Variants in CLASP2 observed in about 807,000 individuals in gnomAD.
CLASP2 encodes cytoplasmic linker associated protein 2, also known as CLIP-associating protein 2.
Under a neutral mutation model 194.4 loss-of-function variants are expected in CLASP2, and 47 were observed. The observed-to-expected ratio is 0.24, with a 90% CI of 0.19 to 0.31. The LOEUF (loss-of-function observed/expected upper bound fraction) is 0.31. Ranked by LOEUF, CLASP2 falls within the 10% of genes least tolerant of loss-of-function variation. CLASP2 has a pLI of 1.00. For missense variants in CLASP2, 1,445 were observed against 1,823.6 expected (o/e 0.79, Z 3.78); for synonymous variants, 619 against 633.5 (o/e 0.98, Z 0.34).
At chr3:33,597,626 C>T (rs1032093428) in intron 18 of CLASP2, among the ~76,000 whole-genome samples, 1 of 151,992 alleles carries the variant, frequency 6.6e-6, no homozygotes, top group Admixed American at 6.6e-5. Flanking sequence ...GCCTTATGTG[C>T]CTAATTGTGG....
At chr3:33,596,585 T>C in intron 19 of CLASP2, 126 bp downstream of exon 19, 1 of 774,088 alleles carries the variant, frequency 1.3e-6, no homozygotes, top group Non-Finnish European at 2.2e-6. Context: ...ATTTTCACAT[T>C]AACATTATCA....
chr3:33,599,925 A>G (rs2154250924), intron 18 of CLASP2, among the ~76,000 whole-genome samples: 1 of 152,308 alleles, frequency 6.6e-6, no homozygotes, highest in Non-Finnish European at 1.5e-5. Context: ...TTACAATGAA[A>G]CATGAAATTC....
chr3:33,598,029 A>C (rs2070941946), intron 18 of CLASP2, among the ~76,000 whole-genome samples: 1 of 151,972 alleles, frequency 6.6e-6, no homozygotes, highest in Non-Finnish European at 1.5e-5. Context: ...CTAGGATTAC[A>C]CGTGTGAGCC....
chr3:33,674,617 A>C (rs2088123170), intron 6 of CLASP2, among the ~76,000 whole-genome samples: 2 of 152,314 alleles, frequency 1.3e-5, no homozygotes, highest in South Asian at 4.1e-4. Context: ...GAGACACAAA[A>C]AACCCTTCAA....
chr3:33,558,526 T>C (rs1414147814), intron 29 of CLASP2: 1 of 152,070 alleles, frequency 6.6e-6, no homozygotes, highest in East Asian at 1.9e-4. Context: ...AAAAAACCTT[T>C]AGCAAAGAAT....
chr3:33,516,537 C>T (rs1160794006), intron 35 of CLASP2, among the ~76,000 whole-genome samples: 3 of 152,058 alleles, frequency 2.0e-5, no homozygotes, highest in Non-Finnish European at 2.9e-5. Context: ...GGTGGTGGCA[C>T]GTGCTTATAA....
intron 21 of CLASP2, chr3:33,588,650 A>C: frequency 1.4e-6 from 1 of 698,532 alleles, no homozygotes; most frequent in Non-Finnish European, 2.6e-6. Flanking sequence ...CATTCTTCAT[A>C]ATGAAAATAG....
At chr3:33,691,548 T>C (rs895829381) in intron 2 of CLASP2, among the ~76,000 whole-genome samples, 2 of 152,178 alleles carry the variant, frequency 1.3e-5, no homozygotes, top group Non-Finnish European at 2.9e-5. Context: ...GAATCATAAG[T>C]CTAATTATGA....
chr3:33,710,661 G>A (rs778419515), intron 1 of CLASP2, among the ~76,000 whole-genome samples: 73 of 152,142 alleles, frequency 4.8e-4, no homozygotes, highest in Admixed American at 1.0e-3. Flanking sequence ...TTGGCCAGGC[G>A]CGGTGGCTAA....
At chr3:33,588,777 G>A (rs909172124) in intron 21 of CLASP2, 1 of 700,632 alleles carries the variant, frequency 1.4e-6, no homozygotes, top group South Asian at 1.5e-5. Context: ...TATAATCCAT[G>A]AAGAGGGAAG....
At chr3:33,601,667 A>G (rs2072243420) in intron 18 of CLASP2, among the ~76,000 whole-genome samples, 1 of 152,114 alleles carries the variant, frequency 6.6e-6, no homozygotes, top group Admixed American at 6.6e-5. Context: ...TTATGTTTTC[A>G]TCAAGTTGCT....
Position 33,584,858 on chromosome 3 carries a change from A to G in CLASP2, c.2131T>C (p.Ser711Pro), listed in dbSNP as rs762251812. ...TTGACCAGGACTCTTTGAACACCAG[A>G]GCTCACAGTGGACAGGGCTGTTGTG... is the stretch of plus-strand genomic sequence containing the variant. ...LTTTALSTVS[S>P]GVQRVLVNSA... is the part of the protein sequence containing the mutation. Residue 711 changes from serine to proline, a missense_variant, in exon 22 of 39, where the codon TCT becomes CCT. Transcript: ENST00000682230. 18 of 1,613,804 alleles carry G rather than the reference A, an allele frequency of 1.1e-5. No individual in the cohort carries two copies. The highest frequency in any genetic ancestry group is 2.5e-6 in the Non-Finnish European group (3 of 1,179,874).
At chr3:33,581,770 G>C (rs376298321) in intron 23 of CLASP2, 51 bp downstream of exon 23, 1 of 1,267,962 alleles carries the variant, frequency 7.9e-7, no homozygotes, top group Non-Finnish European at 1.1e-6. Context: ...TTAACAGATA[G>C]TGATAACACC....
intron 28 of CLASP2, among the ~76,000 whole-genome samples, 155 bp downstream of exon 28, chr3:33,560,653 A>G (rs978358438): frequency 6.6e-5 from 10 of 152,350 alleles, no homozygotes; most frequent in African/African-American, 2.4e-4. Context: ...GTTGCTTTAA[A>G]TATACAATAT....
At chr3:33,700,822 C>T (rs1202831157) in intron 1 of CLASP2, among the ~76,000 whole-genome samples, 2 of 152,132 alleles carry the variant, frequency 1.3e-5, no homozygotes, top group East Asian at 3.8e-4. Context: ...TGCACTCTAG[C>T]CTGGGTGACA....
intron 29 of CLASP2, chr3:33,558,587 C>T (rs911886735): frequency 2.7e-5 from 4 of 150,636 alleles, no homozygotes; most frequent in Non-Finnish European, 5.9e-5. Context: ...TTAATAATCA[C>T]TTTAAATCAC....
intron 4 of CLASP2, among the ~76,000 whole-genome samples, chr3:33,687,472 T>C (rs1282609204): frequency 6.6e-6 from 1 of 152,170 alleles, no homozygotes; most frequent in African/African-American, 2.4e-5. Flanking sequence ...CTTTTAAAAT[T>C]GTGATTTTTT....
chr3:33,704,142 A>T (rs763314336), intron 1 of CLASP2, among the ~76,000 whole-genome samples: 1 of 152,238 alleles, frequency 6.6e-6, no homozygotes, highest in Non-Finnish European at 1.5e-5. Flanking sequence ...ACTATTCTGC[A>T]TAATACTATA....
At chr3:33,656,761 A>G (rs1161848188) in intron 7 of CLASP2, among the ~76,000 whole-genome samples, 1 of 152,124 alleles carries the variant, frequency 6.6e-6, no homozygotes, top group Non-Finnish European at 1.5e-5. Context: ...TGATATGTCC[A>G]TATTATAGAA....
Sources: allele counts gnomAD v4.1 joint callset (sites outside exome capture counted in the v4.1 genomes callset), GRCh38; gene constraint gnomAD v4.1.1; transcripts MANE v1.5; gene names NCBI Gene and HGNC (gene_info 2026-07-23, HGNC 2026-07-21).